The following GLIPR1L1 variants were observed in gnomAD, a reference collection of about 807,000 sequenced individuals.
GLIPR1L1 encodes GLIPR1 like 1.
GLIPR1L1 carries 26 observed loss-of-function variants against 29.9 expected under a neutral mutation model. The observed-to-expected ratio is 0.87, with a 90% CI of 0.64 to 1.21. The LOEUF is 1.21. GLIPR1L1 is among the 50% of genes most tolerant of loss of function. The pLI is 0.00. For missense variants in GLIPR1L1, 305 were observed against 290.3 expected (o/e 1.05, Z -0.37); for synonymous variants, 77 against 97.5 (o/e 0.79, Z 1.24).
Position 75,370,265 on chromosome 12 carries a change from A to C in GLIPR1L1, c.*89A>C. 1 of 723,576 alleles carries C rather than the reference A, an allele frequency of 1.4e-6. No individual in the cohort carries two copies. The highest frequency in any genetic ancestry group is 2.4e-6 in the Non-Finnish European group (1 of 419,676). 44.8% of individuals were successfully genotyped at this position (723,576 alleles called of 1,614,324 possible). ...TAACTTATCATCACTTTGCTTCTTTACTGAATCTTCTACACTCTTGCCTGA... is the reference window on the plus strand; with the variant it reads ...TAACTTATCATCACTTTGCTTCTTTCCTGAATCTTCTACACTCTTGCCTGA... On this transcript the variant is annotated 3_prime_UTR_variant, in exon 6 of 6. Transcript: ENST00000378695.
chr12:75,335,200 T>G (rs1013478965), intron 1 of GLIPR1L1, among the ~76,000 whole-genome samples: 6 of 152,132 alleles, frequency 3.9e-5, no homozygotes, highest in African/African-American at 1.4e-4. Flanking sequence ...AGGATTATTT[T>G]GTTTTCTTTC....
At chr12:75,339,737 T>G (rs893754839) in intron 1 of GLIPR1L1, among the ~76,000 whole-genome samples, 64 of 152,324 alleles carry the variant, frequency 4.2e-4, no homozygotes, top group African/African-American at 1.5e-3. Flanking sequence ...CATTTAAGTC[T>G]TTAATCCATC....
chr12:75,357,030 T>TA (rs987731621), intron 3 of GLIPR1L1, among the ~76,000 whole-genome samples: 90 of 148,118 alleles, frequency 6.1e-4, no homozygotes, highest in African/African-American at 1.7e-3. Flanking sequence ...ATAGAAAAAT[T>TA]AAAAAAAAAA....
chr12:75,363,432 A>G (rs1324924757), intron 4 of GLIPR1L1, among the ~76,000 whole-genome samples: 1 of 152,146 alleles, frequency 6.6e-6, no homozygotes, highest in Non-Finnish European at 1.5e-5. Flanking sequence ...CCATGATTCA[A>G]TTTGCTGCTG....
chr12:75,368,018 T>A (rs1223316123), intron 4 of GLIPR1L1, among the ~76,000 whole-genome samples: 1 of 152,138 alleles, frequency 6.6e-6, no homozygotes, highest in Non-Finnish European at 1.5e-5. Flanking sequence ...ACTTTAACAA[T>A]TTTTTCCTGC....
chr12:75,334,872 C>T lies in GLIPR1L1; in HGVS notation c.144C>T (p.Val48=). The change falls in exon 1 of 6, where the codon GTC becomes GTT. Residue 48 remains valine (V), a synonymous_variant. Transcript: ENST00000378695. Reference sequence around the variant, plus strand: ...CCCACAACGAATGGCGTGGCAAAGTCAACCCTCCCGCGGCCGACATGAAAT... The same window carrying T: ...CCCACAACGAATGGCGTGGCAAAGTTAACCCTCCCGCGGCCGACATGAAAT... ...IEAHNEWRGK[V]NPPAADMKYM... 6.2e-7 allele frequency: 1 copy of T among 1,614,110 alleles called. No individual in the cohort carries two copies. Among genetic ancestry groups the T allele is most frequent in the Non-Finnish European group, 8.5e-7 (1 of 1,179,980 alleles).
intron 1 of GLIPR1L1, among the ~76,000 whole-genome samples, chr12:75,340,103 C>CG (rs1296523797): frequency 1.3e-5 from 2 of 151,102 alleles, no homozygotes; most frequent in Non-Finnish European, 3.0e-5. Flanking sequence ...ATGGCTGAGT[C>CG]GTATTCCATT....
At chr12:75,340,291 C>T (rs184079180) in intron 1 of GLIPR1L1, among the ~76,000 whole-genome samples, 439 of 151,726 alleles carry the variant, frequency 2.9e-3, no homozygotes, top group African/African-American at 3.8e-3. Context: ...TTTCAAAAAA[C>T]GACGTATTTT....
chr12:75,364,553 G>T (rs1158013983), intron 4 of GLIPR1L1, among the ~76,000 whole-genome samples: 1 of 152,148 alleles, frequency 6.6e-6, no homozygotes, highest in Non-Finnish European at 1.5e-5. Context: ...ACATAGACAG[G>T]CATTCATTAA....
intron 4 of GLIPR1L1, chr12:75,366,688 G>A (rs1169347948): frequency 3.9e-5 from 21 of 537,712 alleles, no homozygotes; most frequent in South Asian, 3.1e-4. Context: ...GTGGCCTAGG[G>A]TTTTTTTGTG....
At chr12:75,340,363 CAA>C (rs2042021677) in intron 1 of GLIPR1L1, among the ~76,000 whole-genome samples, 1 of 151,476 alleles carries the variant, frequency 6.6e-6, no homozygotes, top group East Asian at 1.9e-4. Context: ...ATAGTCTATT[CAA>C]GAAATGGTGT....
chr12:75,353,922 CT>C (rs2042974760), intron 3 of GLIPR1L1, among the ~76,000 whole-genome samples: 1 of 152,084 alleles, frequency 6.6e-6, no homozygotes, highest in Non-Finnish European at 1.5e-5. Flanking sequence ...GCCAAAAGGC[CT>C]TCAATAAAAT....
chr12:75,364,788 T>A (rs1187473859), intron 4 of GLIPR1L1: 2 of 152,208 alleles, frequency 1.3e-5, no homozygotes, highest in East Asian at 1.9e-4. Context: ...TTGTCTTTAG[T>A]AATGTGTCCC....
At chr12:75,356,455 T>C (rs1332755811) in intron 3 of GLIPR1L1, among the ~76,000 whole-genome samples, 2 of 152,204 alleles carry the variant, frequency 1.3e-5, no homozygotes, top group Non-Finnish European at 2.9e-5. Context: ...TTCTAATCCA[T>C]GTGAAGTGCG....
chr12:75,336,174 A>G (rs1023048929), intron 1 of GLIPR1L1, among the ~76,000 whole-genome samples: 16 of 152,096 alleles, frequency 1.1e-4, no homozygotes, highest in African/African-American at 3.4e-4. Context: ...TTAAGAATGC[A>G]TATTTTAATA....
chr12:75,351,044 C>A (rs575229452), intron 3 of GLIPR1L1, among the ~76,000 whole-genome samples: 1 of 152,232 alleles, frequency 6.6e-6, no homozygotes, highest in South Asian at 2.1e-4. Context: ...AAGAACTTCA[C>A]AATGCAATCA....
intron 3 of GLIPR1L1, among the ~76,000 whole-genome samples, chr12:75,352,260 C>T (rs1442514456): frequency 6.6e-6 from 1 of 152,124 alleles, no homozygotes; most frequent in South Asian, 2.1e-4. Flanking sequence ...ATTCAAGAGA[C>T]CCATCTCACA....
intron 4 of GLIPR1L1, among the ~76,000 whole-genome samples, chr12:75,368,028 C>T (rs1441515020): frequency 2.0e-5 from 3 of 152,008 alleles, no homozygotes; most frequent in African/African-American, 7.2e-5. Flanking sequence ...TTTTTTCCTG[C>T]ATCTCTTGAA....
In GLIPR1L1 at chr12:75,354,166, A is replaced by AGG. The variant is rs35360428; in HGVS notation, c.521+6453_521+6454dup. Among the ~76,000 whole-genome samples, 1,016 of 122,872 alleles carry AGG rather than the reference A, an allele frequency of 8.3e-3. 10 individuals carry two copies. The highest frequency in any genetic ancestry group is 0.012 in the Middle Eastern group (3 of 248). 80.6% of individuals were successfully genotyped at this position (122,872 alleles called of 152,430 possible). On this transcript the variant is annotated intron_variant, in intron 3 of 5. Coordinates refer to ENST00000378695, the MANE Select transcript of GLIPR1L1 (RefSeq NM_001304964.2). ...AGAGCAATCAGGGAAGAGAAAAAAA[A>AGG]GGGGGGGGGGTATTCAAATAGGAAA...
Sources: gnomAD v4.1 joint callset for allele counts (sites outside exome capture counted in the v4.1 genomes callset) on GRCh38, gnomAD v4.1.1 for gene constraint, MANE v1.5 for transcripts, NCBI Gene and HGNC (gene_info 2026-07-23, HGNC 2026-07-21) for gene names.